The following CTNNA3 variants were observed in gnomAD, a reference collection of about 807,000 sequenced individuals.
CTNNA3 encodes the protein catenin alpha-3.
CTNNA3 carries 76 observed loss-of-function variants against 95.7 expected under a neutral mutation model. The ratio of observed to expected loss-of-function variants is 0.79; its 90% CI spans 0.66 to 0.96. The LOEUF (loss-of-function observed/expected upper bound fraction) is 0.96. Among genes scored for constraint, CTNNA3 ranks in the 40% least tolerant of loss-of-function variants. The pLI is 0.00. For missense variants in CTNNA3, 1,191 were observed against 1,089.8 expected (o/e 1.09, Z -1.31); for synonymous variants, 431 against 374.4 (o/e 1.15, Z -1.74).
intron 10 of CTNNA3, among the ~76,000 whole-genome samples, chr10:66,607,215 C>T (rs1321694068): frequency 1.3e-5 from 2 of 151,868 alleles, no homozygotes; most frequent in Non-Finnish European, 2.9e-5. Context: ...AGACACCCTG[C>T]CAAGACAGAG....
At chr10:67,427,326 C>A (rs1401296734) in intron 5 of CTNNA3, among the ~76,000 whole-genome samples, 2 of 151,882 alleles carry the variant, frequency 1.3e-5, no homozygotes, top group African/African-American at 4.8e-5. Flanking sequence ...CAAATAAGTT[C>A]CTATATTCCT....
intron 17 of CTNNA3, among the ~76,000 whole-genome samples, chr10:65,938,346 G>A (rs930469230): frequency 1.3e-5 from 2 of 152,060 alleles, no homozygotes; most frequent in African/African-American, 2.4e-5. Context: ...GGGAAATAAC[G>A]CATAATTATT....
intron 11 of CTNNA3, among the ~76,000 whole-genome samples, chr10:66,463,670 G>A (rs984838954): frequency 6.6e-6 from 1 of 152,180 alleles, no homozygotes. Flanking sequence ...CAAAAGTTAT[G>A]AGACTCATGT....
chr10:66,578,108 T>C (rs572538978), intron 10 of CTNNA3, among the ~76,000 whole-genome samples: 1 of 152,148 alleles, frequency 6.6e-6, no homozygotes, highest in East Asian at 1.9e-4. Context: ...ACTGTGTTCA[T>C]AATTTCGTTC....
chr10:67,175,032 C>T (rs76271509), intron 7 of CTNNA3, among the ~76,000 whole-genome samples: 13,077 of 138,406 alleles, frequency 0.094, 679 homozygotes, highest in South Asian at 0.2. Flanking sequence ...GTACAGTACA[C>T]TTGAGGTGAT....
intron 17 of CTNNA3, among the ~76,000 whole-genome samples, chr10:65,921,576 G>T (rs887928624): frequency 3.3e-5 from 5 of 152,226 alleles, no homozygotes; most frequent in Non-Finnish European, 7.3e-5. Flanking sequence ...CTTACATGAG[G>T]ATTCTAAGCC....
chr10:66,000,743 A>C (rs2078754915), intron 15 of CTNNA3, among the ~76,000 whole-genome samples: 1 of 152,154 alleles, frequency 6.6e-6, no homozygotes, highest in Admixed American at 6.5e-5. Flanking sequence ...ACACACACTA[A>C]TTTTATCAGT....
chr10:66,228,722 T>G (rs2089444849), intron 13 of CTNNA3, among the ~76,000 whole-genome samples: 1 of 152,122 alleles, frequency 6.6e-6, no homozygotes, highest in South Asian at 2.1e-4. Context: ...CCACTCTCTG[T>G]TCAATGTTGA....
rs554954856 is a variant in CTNNA3, at chr10:67,040,889, A to G, written c.1047+139428T>C. Among the ~76,000 whole-genome samples, 35 of 152,280 alleles carry G rather than the reference A, an allele frequency of 2.3e-4. No homozygotes were observed. In the South Asian group the frequency reaches 7.0e-3, roughly 31 times the overall value. ...AACTATGACATACACCAAAGAGACA[A>G]AGATAAAAAAGACCTTGACTGACCC... On this transcript the variant is annotated intron_variant, in intron 7 of 17. Transcript: ENST00000433211.
intron 7 of CTNNA3, among the ~76,000 whole-genome samples, chr10:67,079,157 T>C (rs1227031092): frequency 6.6e-6 from 1 of 152,250 alleles, no homozygotes; most frequent in Non-Finnish European, 1.5e-5. Flanking sequence ...TTGGTTTCTC[T>C]GATGTTCTGC....
chr10:65,926,703 C>A (rs1190549921), intron 17 of CTNNA3, among the ~76,000 whole-genome samples: 1 of 151,998 alleles, frequency 6.6e-6, no homozygotes, highest in East Asian at 1.9e-4. Flanking sequence ...CTTGAACTCC[C>A]AACCTTAGGT....
intron 11 of CTNNA3, among the ~76,000 whole-genome samples, chr10:66,423,859 T>G (rs1301254142): frequency 1.3e-5 from 2 of 152,176 alleles, no homozygotes; most frequent in African/African-American, 4.8e-5. Flanking sequence ...TGTGTTTCTT[T>G]CCTCTTTCTT....
At chr10:66,973,365 A>G (rs138286277) in intron 7 of CTNNA3, among the ~76,000 whole-genome samples, 24 of 152,316 alleles carry the variant, frequency 1.6e-4, no homozygotes, top group African/African-American at 5.5e-4. Flanking sequence ...CATCAATATT[A>G]CAATGAATTC....
chr10:66,324,759 C>A (rs2092233357), intron 12 of CTNNA3, among the ~76,000 whole-genome samples: 2 of 152,062 alleles, frequency 1.3e-5, no homozygotes, highest in Non-Finnish European at 2.9e-5. Flanking sequence ...TAACCCGATG[C>A]ATGCCGGTTG....
At chr10:67,506,388 C>A (rs558938080) in intron 5 of CTNNA3, among the ~76,000 whole-genome samples, 1 of 152,246 alleles carries the variant, frequency 6.6e-6, no homozygotes, top group Non-Finnish European at 1.5e-5. Context: ...TCCTAAATAG[C>A]AAACATGAAA....
intron 3 of CTNNA3, among the ~76,000 whole-genome samples, chr10:67,571,227 T>C (rs1377978393): frequency 6.6e-6 from 1 of 152,206 alleles, no homozygotes; most frequent in Non-Finnish European, 1.5e-5. Flanking sequence ...ATGATTTGCC[T>C]AGAGCTACCT....
intron 1 of CTNNA3, among the ~76,000 whole-genome samples, chr10:67,709,600 C>A (rs545968078): frequency 6.6e-6 from 1 of 151,874 alleles, no homozygotes; most frequent in Non-Finnish European, 1.5e-5. Flanking sequence ...GCAAGAATCA[C>A]CCCTCCCCCC....
intron 7 of CTNNA3, among the ~76,000 whole-genome samples, chr10:66,906,050 A>T (rs1395217432): frequency 6.6e-6 from 1 of 152,208 alleles, no homozygotes; most frequent in Non-Finnish European, 1.5e-5. Flanking sequence ...ATGAAAAAGG[A>T]ATAACAGAAT....
intron 12 of CTNNA3, among the ~76,000 whole-genome samples, chr10:66,366,656 G>C (rs1358779211): frequency 6.6e-6 from 1 of 152,104 alleles, no homozygotes; most frequent in Non-Finnish European, 1.5e-5. Flanking sequence ...CTCCAGAACT[G>C]TGAGCAATAA....
Sources: gnomAD v4.1 joint callset for allele counts (sites outside exome capture counted in the v4.1 genomes callset) on GRCh38, gnomAD v4.1.1 for gene constraint, MANE v1.5 for transcripts, NCBI Gene and HGNC (gene_info 2026-07-23, HGNC 2026-07-21) for gene names.